CAPZA1: variants seen among roughly 807,000 people sequenced by gnomAD.
CAPZA1 encodes the protein F-actin-capping protein subunit alpha-1.
A neutral mutation model predicts 40.8 loss-of-function variants in CAPZA1; 10 were observed. The ratio of observed to expected loss-of-function variants is 0.25; its 90% CI spans 0.15 to 0.42. The LOEUF (loss-of-function observed/expected upper bound fraction) is 0.42, where lower values mean the gene tolerates loss of function less well. Among genes scored for constraint, CAPZA1 ranks in the 10% least tolerant of loss-of-function variants. CAPZA1 has a pLI of 1.00. For missense variants in CAPZA1, 277 were observed against 353.8 expected, an observed-to-expected ratio of 0.78 and a Z score of 1.74; for synonymous variants, 98 against 115.0, an observed-to-expected ratio of 0.85 and a Z score of 0.95.
chr1:112,659,639 G>A lies in CAPZA1; in HGVS notation c.507-62G>A, dbSNP rs1038958393. 6 of 1,301,164 alleles carry A rather than the reference G, an allele frequency of 4.6e-6. No individual in the cohort carries two copies. The Admixed American group carries it at 7.0e-5, about 15-fold the overall frequency. 80.6% of individuals were successfully genotyped at this position (1,301,164 alleles called of 1,614,324 possible). On this transcript the variant is annotated intron_variant, in intron 6 of 9. Coordinates refer to ENST00000263168, the MANE Select transcript of CAPZA1 (RefSeq NM_006135.3). ...CTTTCCCAACTTCTGTACCTCAGTG[G>A]CAAATCACCTCTTTCTTGTGCTTAT... is the stretch of plus-strand genomic sequence containing the variant.
In CAPZA1 at chr1:112,670,068, G is replaced by A. The variant is rs769657219; in HGVS notation, c.797G>A (p.Arg266His). 6.2e-6 allele frequency: 10 copies of A among 1,613,726 alleles called. No homozygotes were observed. The highest frequency in any genetic ancestry group is 2.7e-5 in the African/African-American group (2 of 74,880). ...KALRRQLPVT[R>H]TKIDWNKILS... The stretch of plus-strand genomic sequence containing the variant: ...TTGCGCCGGCAGCTTCCAGTTACCC[G>A]CACCAAAATCGACTGGAACAAGATA... Residue 266 changes from arginine (R) to histidine (H), a missense_variant, in exon 10 of 10, where the codon CGC becomes CAC. Arg to His is a conservative substitution (Grantham distance 29, BLOSUM62 0). Transcript: ENST00000263168.
intron 5 of CAPZA1, among the ~76,000 whole-genome samples, chr1:112,658,610 C>T (rs975543097): frequency 6.6e-6 from 1 of 152,232 alleles, no homozygotes; most frequent in Non-Finnish European, 1.5e-5. Context: ...TCTACTATTA[C>T]ATGACCTAAA....
chr1:112,624,026 A>AG (rs1370170780), intron 1 of CAPZA1, among the ~76,000 whole-genome samples: 1 of 150,180 alleles, frequency 6.7e-6, no homozygotes, highest in African/African-American at 2.4e-5. Context: ...AAAAAGAAAA[A>AG]AGAAAAGAAA....
chr1:112,661,059 T>C (rs1407219968), intron 7 of CAPZA1, among the ~76,000 whole-genome samples: 1 of 152,092 alleles, frequency 6.6e-6, no homozygotes, highest in African/African-American at 2.4e-5. Flanking sequence ...GATTTCACTA[T>C]GTTGGCCAGG....
chr1:112,631,642 G>A (rs774454614), intron 1 of CAPZA1, among the ~76,000 whole-genome samples: 1 of 152,020 alleles, frequency 6.6e-6, no homozygotes, highest in Non-Finnish European at 1.5e-5. Context: ...GGTTCTCACC[G>A]CCGAACTTTA....
At chr1:112,653,552 T>G in intron 3 of CAPZA1, 46 bp from the exon 4 acceptor site, 1 of 1,212,772 alleles carries the variant, frequency 8.2e-7, no homozygotes, top group Non-Finnish European at 1.2e-6. Flanking sequence ...CTTTTCTCTC[T>G]CCCTCTTTTT....
At chr1:112,666,061 C>T (rs1671718103) in intron 7 of CAPZA1, among the ~76,000 whole-genome samples, 1 of 152,158 alleles carries the variant, frequency 6.6e-6, no homozygotes, top group African/African-American at 2.4e-5. Context: ...TGGTCTTAAA[C>T]TTCTGGCCTC....
intron 1 of CAPZA1, among the ~76,000 whole-genome samples, chr1:112,641,595 A>T (rs1671164550): frequency 6.6e-6 from 1 of 152,122 alleles, no homozygotes; most frequent in Admixed American, 6.6e-5. Flanking sequence ...GTTAAATTAG[A>T]TATTAAAACT....
intron 1 of CAPZA1, among the ~76,000 whole-genome samples, chr1:112,641,183 A>G (rs899050288): frequency 1.3e-5 from 2 of 151,816 alleles, no homozygotes; most frequent in African/African-American, 4.8e-5. Flanking sequence ...ACCCTGCCAA[A>G]TCCCCCTCTG....
chr1:112,662,395 CTTTTTTTTT>C (rs35100851), intron 7 of CAPZA1, among the ~76,000 whole-genome samples: 1 of 97,260 alleles, frequency 1.0e-5, no homozygotes, highest in Non-Finnish European at 1.9e-5. Context: ...TAGAATTTTT[CTTTTTTTTT>C]TTTTTTTTTT....
chr1:112,647,516 G>T (rs1671304551), intron 2 of CAPZA1, among the ~76,000 whole-genome samples: 1 of 152,186 alleles, frequency 6.6e-6, no homozygotes, highest in South Asian at 2.1e-4. Flanking sequence ...TGTGAGAAAA[G>T]ATTTAATGCA....
chr1:112,655,523 G>T (rs185714711), intron 5 of CAPZA1, among the ~76,000 whole-genome samples: 1 of 151,908 alleles, frequency 6.6e-6, no homozygotes, highest in East Asian at 1.9e-4. Context: ...TTTTAATCAG[G>T]AGTGATTTTC....
At chr1:112,656,100 A>T (rs1317125598) in intron 5 of CAPZA1, among the ~76,000 whole-genome samples, 1 of 152,202 alleles carries the variant, frequency 6.6e-6, no homozygotes, top group African/African-American at 2.4e-5. Flanking sequence ...TGTTGTGGGA[A>T]AATCAGCAAT....
intron 4 of CAPZA1, 57 bp downstream of exon 4, chr1:112,653,718 G>C: frequency 8.5e-7 from 1 of 1,173,072 alleles, no homozygotes. Context: ...TCCTATTAAT[G>C]GAAACCAAAG....
At chr1:112,623,570 A>T (rs1309184619) in intron 1 of CAPZA1, among the ~76,000 whole-genome samples, 16 of 151,956 alleles carry the variant, frequency 1.1e-4, no homozygotes, top group Non-Finnish European at 7.4e-5. Context: ...AATCCCAGCT[A>T]CTCAGTAGGC....
At chr1:112,649,045 A>G (rs1023480986) in intron 2 of CAPZA1, among the ~76,000 whole-genome samples, 2 of 152,020 alleles carry the variant, frequency 1.3e-5, no homozygotes, top group Non-Finnish European at 2.9e-5. Context: ...CTCCAAGGTT[A>G]AGAATTTCAC....
In CAPZA1 at chr1:112,630,237, A is replaced by G. The variant is rs191514247; in HGVS notation, c.39+10354A>G. On this transcript the variant is annotated intron_variant, in intron 1 of 9. Coordinates refer to ENST00000263168, the MANE Select transcript of CAPZA1 (RefSeq NM_006135.3). Reference sequence around the variant, plus strand: ...TTTTTTTTGTAGAAACAGTCTCACTATATTGCCCAGACTGGTCTCAAACTC... The same window carrying G: ...TTTTTTTTGTAGAAACAGTCTCACTGTATTGCCCAGACTGGTCTCAAACTC... Among the ~76,000 whole-genome samples, 463 of 152,196 alleles carry G rather than the reference A, an allele frequency of 3.0e-3. 2 individuals carry two copies. Among genetic ancestry groups the G allele is most frequent in the African/African-American group, 0.011 (441 of 41,538 alleles).
Position 112,639,544 on chromosome 1 carries a change from C to T in CAPZA1, c.40-7666C>T, listed in dbSNP as rs528961046. Among the ~76,000 whole-genome samples the T allele has an allele frequency of 2.6e-5, 4 of 152,270 alleles. No individual in the cohort carries two copies. The South Asian group carries it at 8.3e-4, about 32-fold the overall frequency. ...TGAGGTACTATGGGGATATGAAGGT[C>T]AAAGGTCTTGGTCAAGAAGTAACTT... On this transcript the variant is annotated intron_variant, in intron 1 of 9. Coordinates refer to ENST00000263168, the MANE Select transcript of CAPZA1 (RefSeq NM_006135.3).
chr1:112,653,345 T>C (rs1671434812), intron 3 of CAPZA1, among the ~76,000 whole-genome samples: 1 of 152,122 alleles, frequency 6.6e-6, no homozygotes, highest in Admixed American at 6.5e-5. Flanking sequence ...CTTTTGGAGC[T>C]CAGGAGCAGA....
Sources: allele counts gnomAD v4.1 joint callset (sites outside exome capture counted in the v4.1 genomes callset), GRCh38; gene constraint gnomAD v4.1.1; transcripts MANE v1.5; gene names NCBI Gene and HGNC (gene_info 2026-07-23, HGNC 2026-07-21).